The following ZNF483 variants were observed in gnomAD, a reference collection of about 807,000 sequenced individuals.
The protein encoded by ZNF483 is zinc finger protein HIT-10.
In ZNF483, 9 loss-of-function variants were observed where a neutral mutation model predicts 28.6. That is an observed-to-expected ratio of 0.32 (90% confidence interval 0.19 to 0.55). ZNF483 has a LOEUF of 0.55. Among genes scored for constraint, ZNF483 ranks in the 20% least tolerant of loss-of-function variants. ZNF483 has a pLI of 0.93. For missense variants in ZNF483, 675 were observed against 871.7 expected, an observed-to-expected ratio of 0.77 and a Z score of 2.84; for synonymous variants, 322 against 306.2, an observed-to-expected ratio of 1.05 and a Z score of -0.54.
chr9:111,541,509 C>A, intron 5 of ZNF483, 148 bp from the exon 6 acceptor site: 2 of 581,258 alleles, frequency 3.4e-6, no homozygotes, highest in Non-Finnish European at 2.8e-6. Flanking sequence ...CCCTATATTG[C>A]CTTTTCCTTT....
chr9:111,541,070 G>C (rs1466108045), intron 5 of ZNF483, among the ~76,000 whole-genome samples: 1 of 151,386 alleles, frequency 6.6e-6, no homozygotes, highest in African/African-American at 2.4e-5. Flanking sequence ...TTAGGATATA[G>C]GGACAATAAG....
At position 111,549,614 on chromosome 9, in the gene ZNF483, T is replaced by C; in HGVS notation, c.*6444T>C. Reference sequence around the variant, plus strand: ...ATCTACAAGCTTTGCTAAACCTACCTGTAGCTCTTCTGGGGCAGCGGTCGT... The same window carrying C: ...ATCTACAAGCTTTGCTAAACCTACCCGTAGCTCTTCTGGGGCAGCGGTCGT... On this transcript the variant is annotated 3_prime_UTR_variant, in exon 6 of 6. Coordinates refer to ENST00000309235, the MANE Select transcript of ZNF483 (RefSeq NM_133464.5). 1 of 939,416 alleles carries C rather than the reference T, an allele frequency of 1.1e-6. No homozygotes were observed. Among genetic ancestry groups the C allele is most frequent in the East Asian group, 2.7e-5 (1 of 37,038 alleles). 58.2% of individuals were successfully genotyped at this position (939,416 alleles called of 1,614,324 possible). A position where few individuals can be genotyped will look rare whatever the true frequency, so the allele number is the denominator to read the frequency against.
At chr9:111,556,527 T>C, downstream of ZNF483, among the ~76,000 whole-genome samples, 1 of 152,218 alleles carries the variant, frequency 6.6e-6, no homozygotes, top group Non-Finnish European at 1.5e-5. Flanking sequence ...TTTCCATACA[T>C]TCTCTGAAAT....
chr9:111,576,322 AC>A, intron 5 of ZNF483: 3 of 1,604,658 alleles, frequency 1.9e-6, no homozygotes, highest in Non-Finnish European at 2.6e-6. Context: ...TTTATTTGTA[AC>A]CTCAAACCAG....
In ZNF483 at chr9:111,574,977, G is replaced by T. The variant is rs1828995602; in HGVS notation, c.722-1388G>T. On this transcript the variant is annotated intron_variant, in intron 5 of 5. Transcript: ENST00000358151. ...CTGACTGAATTAGCCCAACAGTGCA[G>T]AAGACTGCAGTTAGAAAAAGACATT... 5 of 650,072 alleles carry T rather than the reference G, an allele frequency of 7.7e-6. No individual in the cohort carries two copies. In the East Asian group the frequency reaches 1.5e-4, roughly 20 times the overall value. 40.3% of individuals were successfully genotyped at this position (650,072 alleles called of 1,614,324 possible).
At chr9:111,534,402 G>A in intron 5 of ZNF483, 49 bp downstream of exon 5, 1 of 1,500,938 alleles carries the variant, frequency 6.7e-7, no homozygotes, top group Non-Finnish European at 9.3e-7. Context: ...TGTTTAGCAA[G>A]TCTGTTGAGA....
At chr9:111,575,710 T>C (rs551675706) in intron 5 of ZNF483, among the ~76,000 whole-genome samples, 72 of 152,320 alleles carry the variant, frequency 4.7e-4, no homozygotes, top group African/African-American at 1.3e-3. Context: ...AATAATGCAA[T>C]TGGGCCTCTT....
rs1468727296 is a variant in ZNF483 at position 111,561,108 on chromosome 9, T to TAGAGAGAGAGAGAG, written c.722-15256_722-15255insGAGAGAGAGAGAGA. ...AAATATATATATATATATATATATA[T>TAGAGAGAGAGAGAG]ATAGAGAGAGAGAGAGAGAGAGAGA... On this transcript the variant is annotated intron_variant, in intron 5 of 5. Coordinates refer to the ZNF483 transcript ENST00000358151. Among the ~76,000 whole-genome samples the TAGAGAGAGAGAGAG allele has an allele frequency of 7.7e-4, 16 of 20,860 alleles. 1 individual carries two copies. The highest frequency in any genetic ancestry group is 1.6e-3 in the South Asian group (1 of 616). 13.7% of individuals were successfully genotyped at this position (20,860 alleles called of 152,430 possible). A position where few individuals can be genotyped will look rare whatever the true frequency, so the allele number is the denominator to read the frequency against.
Position 111,547,161 on chromosome 9 carries a change from G to A in ZNF483, c.*3991G>A, listed in dbSNP as rs943127924. 2.0e-5 allele frequency among the ~76,000 whole-genome samples: 3 copies of A among 152,068 alleles called. No homozygotes were observed. Among genetic ancestry groups the A allele is most frequent in the Admixed American group, 6.5e-5 (1 of 15,274 alleles). ...ATTGCTATAATCAGTGGTGCTTTCTGTTCTTTTAAGTATATGCCTAGAAAT... is the reference window on the plus strand; with the variant it reads ...ATTGCTATAATCAGTGGTGCTTTCTATTCTTTTAAGTATATGCCTAGAAAT... On this transcript the variant is annotated 3_prime_UTR_variant, in exon 6 of 6. Transcript: ENST00000309235.
At chr9:111,569,814 G>C in intron 5 of ZNF483, 1 of 420,140 alleles carries the variant, frequency 2.4e-6, no homozygotes, top group South Asian at 2.3e-5. Context: ...ATGGCAGACA[G>C]TGAGTGTAGA....
intron 5 of ZNF483, among the ~76,000 whole-genome samples, chr9:111,535,897 A>G (rs1177579588): frequency 7.5e-6 from 1 of 133,744 alleles, no homozygotes; most frequent in African/African-American, 2.7e-5. Context: ...ATATATTATT[A>G]TTCTTTTTTT....
At chr9:111,578,067 C>T (rs1829139194), downstream of ZNF483, among the ~76,000 whole-genome samples, 1 of 151,938 alleles carries the variant, frequency 6.6e-6, no homozygotes, top group Non-Finnish European at 1.5e-5. Context: ...AAAACATTGA[C>T]TTCTACACGT....
chr9:111,570,852 C>A (rs1828787685), intron 5 of ZNF483, among the ~76,000 whole-genome samples: 1 of 152,040 alleles, frequency 6.6e-6, no homozygotes, highest in Non-Finnish European at 1.5e-5. Flanking sequence ...CCCAATATAA[C>A]AGCAAAGGTC....
In ZNF483 at chr9:111,553,839, T is replaced by C. The variant is rs1828042248; in HGVS notation, c.*10669T>C. ...CATATTAAGTTGCTCTACGCAATCC[T>C]AGCCACAGAGAACCCAACAAATTGG... On this transcript the variant is annotated 3_prime_UTR_variant, in exon 6 of 6. Coordinates refer to ENST00000309235, the MANE Select transcript of ZNF483 (RefSeq NM_133464.5). Among the ~76,000 whole-genome samples the C allele has an allele frequency of 6.6e-6, 1 of 152,256 alleles. No individual in the cohort carries two copies. The highest frequency in any genetic ancestry group is 2.4e-5 in the African/African-American group (1 of 41,478).
intron 5 of ZNF483, among the ~76,000 whole-genome samples, chr9:111,537,658 G>C (rs949600794): frequency 7.2e-5 from 11 of 151,824 alleles, no homozygotes; most frequent in African/African-American, 2.7e-4. Context: ...ACAGGGTCTT[G>C]CTCTGTCATT....
In ZNF483 at chr9:111,552,062, A is replaced by G. The variant is rs961913652; in HGVS notation, c.*8892A>G. 1.3e-5 allele frequency among the ~76,000 whole-genome samples: 2 copies of G among 152,140 alleles called. No homozygotes were observed. Among genetic ancestry groups the G allele is most frequent in the African/African-American group, 2.4e-5 (1 of 41,436 alleles). On this transcript the variant is annotated 3_prime_UTR_variant, in exon 6 of 6. Transcript: ENST00000309235. Reference sequence around the variant, plus strand: ...TCTAGCCAGGTCACAAGTTTTTCCCATTTTAGGAGCTTCAAATTTAGCTTG... The same window carrying G: ...TCTAGCCAGGTCACAAGTTTTTCCCGTTTTAGGAGCTTCAAATTTAGCTTG...
chr9:111,530,050 G>A (rs892270397), intron 2 of ZNF483, among the ~76,000 whole-genome samples: 8 of 152,290 alleles, frequency 5.3e-5, no homozygotes, highest in African/African-American at 1.9e-4. Context: ...GATAACCCTG[G>A]AATTGGGGAA....
chr9:111,540,661 A>T (rs1282789274), intron 5 of ZNF483, among the ~76,000 whole-genome samples: 1 of 152,230 alleles, frequency 6.6e-6, no homozygotes, highest in African/African-American at 2.4e-5. Flanking sequence ...TGTAAGGCTG[A>T]TAGGGCCAGC....
chr9:111,539,368 C>T (rs1168092924), intron 5 of ZNF483: 2 of 449,370 alleles, frequency 4.5e-6, no homozygotes, highest in East Asian at 7.0e-5. Flanking sequence ...GGCTTCTGCT[C>T]CTCATGTGTC....
Sources: gnomAD v4.1 joint callset for allele counts (sites outside exome capture counted in the v4.1 genomes callset) on GRCh38, gnomAD v4.1.1 for gene constraint, MANE v1.5 for transcripts, NCBI Gene and HGNC (gene_info 2026-07-23, HGNC 2026-07-21) for gene names.